CDHR2: variants seen among roughly 807,000 people sequenced by gnomAD.
The protein encoded by CDHR2 is cadherin-related family member 2.
A neutral mutation model predicts 138.6 loss-of-function variants in CDHR2; 104 were observed. That is an observed-to-expected ratio of 0.75 (90% CI 0.64 to 0.88). CDHR2 has a LOEUF of 0.88. Ranked by LOEUF, CDHR2 falls within the 40% of genes least tolerant of loss-of-function variation. The pLI is 0.00. For missense variants in CDHR2, 1,624 were observed against 1,727.6 expected, an observed-to-expected ratio of 0.94 and a Z score of 1.06; for synonymous variants, 755 against 742.8, an observed-to-expected ratio of 1.02 and a Z score of -0.27.
chr5:176,555,964 T>C (rs960513685), intron 1 of CDHR2, among the ~76,000 whole-genome samples: 5 of 152,148 alleles, frequency 3.3e-5, no homozygotes, highest in African/African-American at 1.2e-4. Context: ...TAGAATAAAA[T>C]GAAACATCCT....
chr5:176,558,915 G>C (rs982320243), intron 1 of CDHR2, among the ~76,000 whole-genome samples: 1 of 152,230 alleles, frequency 6.6e-6, no homozygotes, highest in African/African-American at 2.4e-5. Context: ...TAAGAGTTTG[G>C]ATAGGGCATA....
At chr5:176,563,632 A>G (rs6885836) in intron 1 of CDHR2, among the ~76,000 whole-genome samples, 1 of 152,150 alleles carries the variant, frequency 6.6e-6, no homozygotes, top group Non-Finnish European at 1.5e-5. Context: ...AGTCCTGCGA[A>G]CTCTATTTTA....
At chr5:176,546,707 G>C (rs865974059), upstream of CDHR2, among the ~76,000 whole-genome samples, 19 of 142,866 alleles carry the variant, frequency 1.3e-4, no homozygotes, top group African/African-American at 4.4e-4. Context: ...GGTCACCTGA[G>C]GTCAGGAGTT....
chr5:176,559,373 G>T (rs758480154), intron 1 of CDHR2, among the ~76,000 whole-genome samples: 7 of 152,306 alleles, frequency 4.6e-5, no homozygotes, highest in Non-Finnish European at 1.0e-4. Context: ...TGGGTCCTTT[G>T]TATGTCACTT....
upstream of CDHR2, chr5:176,549,253 C>T (rs558129233): frequency 6.6e-6 from 1 of 152,386 alleles, no homozygotes; most frequent in African/African-American, 2.4e-5. Flanking sequence ...GTCGACCCCT[C>T]CTGGGAGGTG....
At chr5:176,568,889 T>C in intron 4 of CDHR2, 71 bp from the exon 5 acceptor site, 8 of 1,611,184 alleles carry the variant, frequency 5.0e-6, no homozygotes, top group Non-Finnish European at 8.5e-7. Flanking sequence ...GCCCGCGTCC[T>C]GGTGGCGGCA....
At chr5:176,550,603 G>C (rs1757683971) in intron 1 of CDHR2, among the ~76,000 whole-genome samples, 2 of 152,248 alleles carry the variant, frequency 1.3e-5, no homozygotes, top group Admixed American at 1.3e-4. Flanking sequence ...AATAGGATAG[G>C]ATAATTCCTG....
At position 176,568,726 on chromosome 5, in the gene CDHR2, T is replaced by C; in HGVS notation, c.173T>C (p.Leu58Pro). ...LVAEDQDNDP[L>P]TYGMSGPNAY... Reference sequence around the variant, plus strand: ...GCGGAAGACCAGGACAATGACCCTCTGACCTATGGGATGAGCGGCCCCAAT... The same window carrying C: ...GCGGAAGACCAGGACAATGACCCTCCGACCTATGGGATGAGCGGCCCCAAT... The change falls in exon 4 of 32, where the codon CTG becomes CCG. Residue 58 changes from leucine to proline, a missense_variant. Leu to Pro is a moderately conservative substitution (Grantham distance 98). Coordinates refer to ENST00000261944, the MANE Select transcript of CDHR2 (RefSeq NM_017675.6). 6.2e-7 allele frequency: 1 copy of C among 1,614,222 alleles called. No homozygotes were observed. The highest frequency in any genetic ancestry group is 8.5e-7 in the Non-Finnish European group (1 of 1,180,024).
chr5:176,546,955 G>A (rs2963690), upstream of CDHR2, among the ~76,000 whole-genome samples: 75,198 of 149,782 alleles, frequency 0.5, 23,099 homozygotes, highest in Non-Finnish European at 0.68. Context: ...CCAGAGCCTG[G>A]CTATACGCAA....
chr5:176,554,124 G>A (rs989760653), intron 1 of CDHR2, among the ~76,000 whole-genome samples: 1 of 152,166 alleles, frequency 6.6e-6, no homozygotes, highest in African/African-American at 2.4e-5. Context: ...TGTCATCTCC[G>A]GGGTTCTTGG....
chr5:176,558,544 C>T (rs1167939493), intron 1 of CDHR2, among the ~76,000 whole-genome samples: 5 of 152,138 alleles, frequency 3.3e-5, no homozygotes, highest in African/African-American at 9.7e-5. Context: ...CCACCACGCC[C>T]AGCTAATTTT....
At position 176,590,681 on chromosome 5, in the gene CDHR2, G is replaced by T; in HGVS notation, c.3533G>T (p.Arg1178Leu). Reference protein sequence around the residue: ...VIMTMAFVCVRKSYNRKLQAM... With the variant: ...VIMTMAFVCVLKSYNRKLQAM... ...ATGACCATGGCCTTCGTGTGTGTGC[G>T]GAAGAGGTGCGGCTCCCATTGCCCC... The change falls in exon 28 of 32, where the codon CGG becomes CTG. Residue 1178 changes from arginine to leucine, a missense_variant. Arg to Leu is a moderately radical substitution (Grantham distance 102). Transcript: ENST00000261944. 1 of 1,613,188 alleles carries T rather than the reference G, an allele frequency of 6.2e-7. No homozygotes were observed. The highest frequency in any genetic ancestry group is 8.5e-7 in the Non-Finnish European group (1 of 1,180,006).
At chr5:176,565,849 G>A in intron 3 of CDHR2, 106 bp downstream of exon 3, 2 of 804,256 alleles carry the variant, frequency 2.5e-6, no homozygotes, top group Non-Finnish European at 4.1e-6. Flanking sequence ...ATGGCTTATT[G>A]TGGGACAAAG....
chr5:176,573,851 A>T (rs1758290678), intron 6 of CDHR2, among the ~76,000 whole-genome samples: 2 of 152,102 alleles, frequency 1.3e-5, no homozygotes, highest in Admixed American at 1.3e-4. Context: ...GGCTCCGACA[A>T]TCAGAAGCCA....
upstream of CDHR2, among the ~76,000 whole-genome samples, chr5:176,545,234 GTGCCTCAGCCTCC>G (rs535908987): frequency 7.5e-3 from 1,135 of 152,046 alleles, 14 homozygotes; most frequent in African/African-American, 0.026. Context: ...AGCGATTCTT[GTGCCTCAGCCTCC>G]TGAGCAGCTG....
intron 16 of CDHR2, among the ~76,000 whole-genome samples, chr5:176,580,109 C>G (rs1304198851): frequency 6.6e-6 from 1 of 151,846 alleles, no homozygotes; most frequent in East Asian, 1.9e-4. Context: ...AGGACAGGAA[C>G]ACACACACAC....
intron 1 of CDHR2, among the ~76,000 whole-genome samples, chr5:176,556,530 T>C (rs943021437): frequency 2.6e-5 from 4 of 152,164 alleles, no homozygotes; most frequent in Non-Finnish European, 4.4e-5. Flanking sequence ...CCGGGTGTGG[T>C]GGCAGGCACC....
Position 176,584,483 on chromosome 5 carries a change from G to A in CDHR2, c.2202G>A (p.Leu734=). The A allele has an allele frequency of 6.2e-7, 1 of 1,612,856 alleles. No homozygotes were observed. The highest frequency in any genetic ancestry group is 2.2e-5 in the East Asian group (1 of 44,874). The stretch of plus-strand genomic sequence containing the variant: ...CCAACAACCGCATCAGCTTCAGCCT[G>A]TCGGGGAGTGGTGCCAACTACTTCA... The part of the protein sequence containing the change: ...TEANNRISFS[L]SGSGANYFMI... Residue 734 remains leucine, a synonymous_variant, in exon 19 of 32, where the codon CTG becomes CTA. Coordinates refer to ENST00000261944, the MANE Select transcript of CDHR2 (RefSeq NM_017675.6).
At chr5:176,547,222 C>T (rs1323619654), upstream of CDHR2, among the ~76,000 whole-genome samples, 2 of 152,174 alleles carry the variant, frequency 1.3e-5, no homozygotes, top group East Asian at 3.9e-4. Flanking sequence ...GGTGATCCAC[C>T]CGCCTCAGCC....
Sources: gnomAD v4.1 joint callset for allele counts (sites outside exome capture counted in the v4.1 genomes callset) on GRCh38, gnomAD v4.1.1 for gene constraint, MANE v1.5 for transcripts, NCBI Gene and HGNC (gene_info 2026-07-23, HGNC 2026-07-21) for gene names.